The following PCDH9 variants were observed in gnomAD, a reference collection of about 807,000 sequenced individuals.
The protein encoded by PCDH9 is protocadherin-9.
A neutral mutation model predicts 70.6 loss-of-function variants in PCDH9; 24 were observed. The ratio of observed to expected loss-of-function variants is 0.34; its 90% CI spans 0.25 to 0.48. The LOEUF (loss-of-function observed/expected upper bound fraction) is 0.48. Ranked by LOEUF, PCDH9 falls within the 20% of genes least tolerant of loss-of-function variation. The pLI is 0.99. For synonymous variants in PCDH9, 562 were observed against 558.5 expected (o/e 1.01, Z -0.09); for missense variants, 1,281 against 1,503.6 (o/e 0.85, Z 2.45).
In PCDH9 at chr13:66,489,545, C is replaced by A. The variant is rs551781562; in HGVS notation, c.3340+141665G>T. 1.2e-4 allele frequency among the ~76,000 whole-genome samples: 19 copies of A among 152,266 alleles called. No homozygotes were observed. The South Asian group carries it at 3.9e-3, about 32-fold the overall frequency. On this transcript the variant is annotated intron_variant, in intron 4 of 4. Coordinates refer to ENST00000377865, the MANE Select transcript of PCDH9 (RefSeq NM_203487.3). ...CAACCTTGTCTCAAACTCCTAGGCTCAAGGGATTCTCCTGCTTCAGCTTCT... is the reference window on the plus strand; with the variant it reads ...CAACCTTGTCTCAAACTCCTAGGCTAAAGGGATTCTCCTGCTTCAGCTTCT...
intron 3 of PCDH9, among the ~76,000 whole-genome samples, chr13:66,749,740 C>T (rs1048083775): frequency 6.6e-6 from 1 of 152,108 alleles, no homozygotes; most frequent in Non-Finnish European, 1.5e-5. Context: ...TTATATACCT[C>T]TAGGTTCCAA....
At chr13:67,142,092 G>T (rs2087407191) in intron 2 of PCDH9, among the ~76,000 whole-genome samples, 1 of 152,076 alleles carries the variant, frequency 6.6e-6, no homozygotes, top group South Asian at 2.1e-4. Flanking sequence ...TAATTTTCCT[G>T]ATATGAGAAC....
intron 2 of PCDH9, among the ~76,000 whole-genome samples, chr13:66,930,064 G>A (rs1444965868): frequency 6.6e-6 from 1 of 152,136 alleles, no homozygotes; most frequent in African/African-American, 2.4e-5. Context: ...AAATGGAGAT[G>A]TGGTCTTTTT....
intron 4 of PCDH9, among the ~76,000 whole-genome samples, chr13:66,316,038 T>G (rs965766569): frequency 6.6e-6 from 1 of 152,192 alleles, no homozygotes; most frequent in African/African-American, 2.4e-5. Context: ...TCATTTCCTT[T>G]CCTTTTATTC....
At chr13:66,620,152 A>C (rs1221250858) in intron 4 of PCDH9, among the ~76,000 whole-genome samples, 1 of 152,170 alleles carries the variant, frequency 6.6e-6, no homozygotes. Context: ...AATGAAATTT[A>C]TCCTAGACTT....
chr13:66,863,631 A>G (rs1343410358), intron 3 of PCDH9, among the ~76,000 whole-genome samples: 3 of 152,036 alleles, frequency 2.0e-5, no homozygotes, highest in Non-Finnish European at 4.4e-5. Flanking sequence ...GATTACAGGC[A>G]CCTGCCACCA....
At chr13:66,952,682 C>T (rs1399608940) in intron 2 of PCDH9, among the ~76,000 whole-genome samples, 2 of 152,146 alleles carry the variant, frequency 1.3e-5, no homozygotes, top group African/African-American at 4.8e-5. Context: ...CTCTCAATGG[C>T]AGAACCCACC....
intron 2 of PCDH9, among the ~76,000 whole-genome samples, chr13:67,188,697 A>G (rs2088825490): frequency 6.6e-6 from 1 of 152,170 alleles, no homozygotes; most frequent in Non-Finnish European, 1.5e-5. Context: ...TTTCACTCTT[A>G]TAATATCTAT....
At chr13:66,962,824 G>C (rs1191212367) in intron 2 of PCDH9, among the ~76,000 whole-genome samples, 4 of 152,040 alleles carry the variant, frequency 2.6e-5, no homozygotes, top group African/African-American at 7.2e-5. Flanking sequence ...CATGGATTGG[G>C]GTTGGGGGCC....
chr13:67,058,440 C>T (rs1203722747), intron 2 of PCDH9, among the ~76,000 whole-genome samples: 1 of 152,120 alleles, frequency 6.6e-6, no homozygotes, highest in Non-Finnish European at 1.5e-5. Flanking sequence ...TTTTAAGTTT[C>T]CATTGTACTC....
chr13:67,013,456 T>C (rs1186507328), intron 2 of PCDH9, among the ~76,000 whole-genome samples: 1 of 152,020 alleles, frequency 6.6e-6, no homozygotes, highest in African/African-American at 2.4e-5. Context: ...TAACCACCTA[T>C]CTGTGGTAAA....
At chr13:66,307,503 A>C (rs571604632) in intron 4 of PCDH9, among the ~76,000 whole-genome samples, 8 of 152,238 alleles carry the variant, frequency 5.3e-5, no homozygotes, top group Admixed American at 5.2e-4. Context: ...ACAGCTTATA[A>C]ATGAATAATT....
At chr13:67,099,146 C>T (rs573294036) in intron 2 of PCDH9, among the ~76,000 whole-genome samples, 24 of 152,266 alleles carry the variant, frequency 1.6e-4, no homozygotes, top group Admixed American at 1.2e-3. Context: ...AATGTAGAAA[C>T]GCTGTGAATA....
chr13:66,955,035 T>C (rs1344293969), intron 2 of PCDH9, among the ~76,000 whole-genome samples: 2 of 152,184 alleles, frequency 1.3e-5, no homozygotes, highest in Non-Finnish European at 2.9e-5. Flanking sequence ...AGTGCTGGGA[T>C]TACAGGCGTG....
intron 2 of PCDH9, among the ~76,000 whole-genome samples, chr13:66,922,689 A>G (rs1455272831): frequency 6.6e-6 from 1 of 151,472 alleles, no homozygotes; most frequent in Non-Finnish European, 1.5e-5. Flanking sequence ...TTATAATGCT[A>G]TCTGTTCCTA....
intron 2 of PCDH9, chr13:67,210,529 G>A (rs1410031741): frequency 6.6e-6 from 1 of 152,004 alleles, no homozygotes; most frequent in African/African-American, 2.4e-5. Context: ...GAAAGAAGTA[G>A]GCCAGATGGA....
In PCDH9 at chr13:66,861,984, A is replaced by C. The variant is rs115673035; in HGVS notation, c.3138+41520T>G. 3.0e-3 allele frequency among the ~76,000 whole-genome samples: 450 copies of C among 152,298 alleles called. 2 individuals carry two copies. The highest frequency in any genetic ancestry group is 0.01 in the African/African-American group (418 of 41,570). Reference sequence around the variant, plus strand: ...TTTATAAAAGAAAGACTGCTGCAAAAGTGAGAACAAAATGAGAATTCCATA... The same window carrying C: ...TTTATAAAAGAAAGACTGCTGCAAACGTGAGAACAAAATGAGAATTCCATA... On this transcript the variant is annotated intron_variant, in intron 3 of 4. Coordinates refer to ENST00000377865, the MANE Select transcript of PCDH9 (RefSeq NM_203487.3).
At chr13:66,904,024 T>C (rs1368090718) in intron 2 of PCDH9, among the ~76,000 whole-genome samples, 2 of 151,890 alleles carry the variant, frequency 1.3e-5, no homozygotes, top group Non-Finnish European at 2.9e-5. Flanking sequence ...GACTGAAGCA[T>C]AATTCCTCCC....
chr13:67,215,013 A>T (rs1485256734), intron 2 of PCDH9: 28 of 140,244 alleles, frequency 2.0e-4, no homozygotes, highest in African/African-American at 7.1e-4. Flanking sequence ...ATTTGGCATG[A>T]TTACACCCAT....
Sources: gnomAD v4.1 joint callset for allele counts (sites outside exome capture counted in the v4.1 genomes callset) on GRCh38, gnomAD v4.1.1 for gene constraint, MANE v1.5 for transcripts, NCBI Gene and HGNC (gene_info 2026-07-23, HGNC 2026-07-21) for gene names.